SELENOS: variants seen among roughly 807,000 people sequenced by gnomAD.
SELENOS encodes the protein selenoprotein S, also known as VCP interacting membrane selenoprotein.
A neutral mutation model predicts 30.2 loss-of-function variants in SELENOS; 37 were observed. The observed-to-expected ratio is 1.23, with a 90% confidence interval of 0.94 to 1.61. The LOEUF (loss-of-function observed/expected upper bound fraction) is 1.61, where lower values mean the gene tolerates loss of function less well. Among genes scored for constraint, SELENOS ranks in the 40% most tolerant of loss-of-function variants. The pLI, the probability that SELENOS is intolerant of heterozygous loss-of-function variation, is 0.00. For synonymous variants in SELENOS, 119 were observed against 91.6 expected (o/e 1.30, Z -1.71); for missense variants, 289 against 231.8 (o/e 1.25, Z -1.60).
At chr15:101,273,757 T>G (rs2039294670) in intron 5 of SELENOS, among the ~76,000 whole-genome samples, 1 of 152,230 alleles carries the variant, frequency 6.6e-6, no homozygotes, top group African/African-American at 2.4e-5. Flanking sequence ...TTGGAGCCCA[T>G]GCCCCAGTCT....
Position 101,272,207 on chromosome 15 carries a change from G to A in SELENOS, c.*564C>T, listed in dbSNP as rs767728033. The A allele has an allele frequency of 1.3e-5, 2 of 152,220 alleles. No individual in the cohort carries two copies. Among genetic ancestry groups the A allele is most frequent in the Non-Finnish European group, 2.9e-5 (2 of 68,036 alleles). The allele number at this position is 152,220 out of a possible 1,614,324, so 9.4% of individuals were successfully genotyped here. On this transcript the variant is annotated 3_prime_UTR_variant, in exon 6 of 6. Transcript: ENST00000526049. ...TAATAGTTAGAGGTTGTAATAAAAA[G>A]CTATTTAATGTTTGATAGACAAATT...
chr15:101,275,299 C>A lies in SELENOS; in HGVS notation c.274G>T (p.Glu92Ter). Reference sequence around the variant, plus strand: ...TGCTTTTCAACTTGCGCATTTAGTTCTTCTTGCATTTTCAGTCGAGCAGCT... The same window carrying A: ...TGCTTTTCAACTTGCGCATTTAGTTATTCTTGCATTTTCAGTCGAGCAGCT... ...LAAARLKMQE[E>*]LNAQVEKHKE... Residue 92 changes from glutamate to a stop codon, truncating the protein, a stop_gained, in exon 3 of 6, where the codon GAA becomes TAA. Coordinates refer to ENST00000526049, the MANE Select transcript of SELENOS (RefSeq NM_018445.6). LOFTEE classifies it high-confidence loss of function. The A allele has an allele frequency of 6.3e-7, 1 of 1,580,360 alleles. No individual in the cohort carries two copies. The highest frequency in any genetic ancestry group is 1.8e-5 in the Admixed American group (1 of 54,132).
chr15:101,277,183 G>A (rs767662074), intron 1 of SELENOS, 159 bp downstream of exon 1: 81 of 1,259,128 alleles, frequency 6.4e-5, no homozygotes, highest in Non-Finnish European at 8.7e-5. Flanking sequence ...CTCCGCGCAA[G>A]GTCCGGGCCT....
In SELENOS at chr15:101,276,628, T is replaced by A. The variant is rs1190809659; in HGVS notation, c.124A>T (p.Ile42Phe). ...TTCTGAAAGACCACGTAGAGAAGGA[T>A]GCAGCTGAAGACGATGTACCAGCCA... ...TYGWYIVFSC[I>F]LLYVVFQKLS... Residue 42 changes from isoleucine to phenylalanine, a missense_variant, in exon 2 of 6, where the codon ATC becomes TTC. Transcript: ENST00000526049. 4.3e-6 allele frequency: 7 copies of A among 1,613,566 alleles called. No individual in the cohort carries two copies. The highest frequency in any genetic ancestry group is 5.1e-6 in the Non-Finnish European group (6 of 1,179,808).
In SELENOS at chr15:101,277,427, C is replaced by T; in HGVS notation, c.-10G>A. The T allele has an allele frequency of 2.0e-6, 3 of 1,464,114 alleles. No individual in the cohort carries two copies. The highest frequency in any genetic ancestry group is 2.7e-6 in the Non-Finnish European group (3 of 1,115,394). 90.7% of individuals were successfully genotyped at this position (1,464,114 alleles called of 1,614,324 possible). ...CCTCTTGGCGTTCCATGACCGCCGCCGCCGCCGCCGCCCAGCCCTGCCGCC... is the reference window on the plus strand; with the variant it reads ...CCTCTTGGCGTTCCATGACCGCCGCTGCCGCCGCCGCCCAGCCCTGCCGCC... On this transcript the variant is annotated 5_prime_UTR_variant, in exon 1 of 6. Transcript: ENST00000526049.
Position 101,275,323 on chromosome 15 carries a change from C to T in SELENOS, c.250G>A (p.Ala84Thr), listed in dbSNP as rs1439161281. ...TCTTCTTGCATTTTCAGTCGAGCAG[C>T]TGCTAAAGCTTCTTGTCGTTTAACA... ...VVVKRQEALA[A>T]ARLKMQEELN... is the part of the protein sequence containing the mutation. Residue 84 changes from alanine to threonine, a missense_variant, in exon 3 of 6, where the codon GCT (alanine) becomes ACT (threonine). Ala to Thr is a moderately conservative substitution (Grantham distance 58). Transcript: ENST00000526049. 2.3e-5 allele frequency: 37 copies of T among 1,581,366 alleles called. No homozygotes were observed. Among genetic ancestry groups the T allele is most frequent in the Non-Finnish European group, 3.2e-5 (37 of 1,163,422 alleles).
At chr15:101,274,121 C>A (rs777078279) in intron 5 of SELENOS, 5 of 450,432 alleles carry the variant, frequency 1.1e-5, no homozygotes, top group Admixed American at 3.5e-5. Context: ...AGACCAAAAC[C>A]ACTGTGTTCC....
At position 101,276,689 on chromosome 15, in the gene SELENOS, C is replaced by T. The variant is rs1251123311; in HGVS notation, c.77-14G>A. On this transcript the variant is annotated splice_polypyrimidine_tract_variant and intron_variant, in intron 1 of 5. Transcript: ENST00000526049. Reference sequence around the variant, plus strand: ...GCAGGGAGCCCACTGAAAAGAAAAACAGTTTTCAAAAAACTAAAAATGACA... The same window carrying T: ...GCAGGGAGCCCACTGAAAAGAAAAATAGTTTTCAAAAAACTAAAAATGACA... The T allele has an allele frequency of 6.3e-7, 1 of 1,597,044 alleles. No individual in the cohort carries two copies. The highest frequency in any genetic ancestry group is 8.5e-7 in the Non-Finnish European group (1 of 1,175,068).
rs758847618 is a variant in SELENOS at position 101,272,830 on chromosome 15, C to G, written c.511G>C (p.Gly171Arg). ...CCAGGTCTCCAGGAGCAAGCTCCGC[C>G]TCCTTCACCAGACAACGGGTTATAA... is the stretch of plus-strand genomic sequence containing the variant. The part of the protein sequence containing the change: ...GGYNPLSGEG[G>R]GACSWRPGRR... The change falls in exon 6 of 6, where the codon GGC becomes CGC. Residue 171 changes from glycine to arginine, a missense_variant. By Grantham distance (125) the Gly-to-Arg change is moderately radical (BLOSUM62 -2). Transcript: ENST00000526049. The G allele has an allele frequency of 6.2e-7, 1 of 1,609,798 alleles. No homozygotes were observed. Among genetic ancestry groups the G allele is most frequent in the South Asian group, 1.1e-5 (1 of 89,886 alleles).
At chr15:101,276,056 G>A (rs568008465) in intron 2 of SELENOS, among the ~76,000 whole-genome samples, 6 of 151,130 alleles carry the variant, frequency 4.0e-5, no homozygotes, top group Non-Finnish European at 4.4e-5. Context: ...CCTAATAGCT[G>A]GGATTACAGG....
intron 1 of SELENOS, 143 bp downstream of exon 1, chr15:101,277,199 C>T: frequency 7.2e-7 from 1 of 1,386,792 alleles, no homozygotes; most frequent in Non-Finnish European, 9.9e-7. Context: ...GGCCTGCTGC[C>T]CAAGGTCCGC....
In SELENOS at chr15:101,277,461, A is replaced by C; in HGVS notation, c.-44T>G. The C allele has an allele frequency of 7.1e-7, 1 of 1,405,520 alleles. No individual in the cohort carries two copies. The highest frequency in any genetic ancestry group is 9.2e-7 in the Non-Finnish European group (1 of 1,090,078). The allele number at this position is 1,405,520 out of a possible 1,614,324, so 87.1% of individuals were successfully genotyped here. ...CGCCCAGCCCTGCCGCCGCGCCTCCAGCCGGGCGCTTCCGGTGCGCTCCTA... is the reference window on the plus strand; with the variant it reads ...CGCCCAGCCCTGCCGCCGCGCCTCCCGCCGGGCGCTTCCGGTGCGCTCCTA... On this transcript the variant is annotated 5_prime_UTR_variant, in exon 1 of 6. Coordinates refer to ENST00000526049, the MANE Select transcript of SELENOS (RefSeq NM_018445.6).
chr15:101,272,587 T>A lies in SELENOS; in HGVS notation c.*184A>T. 2 of 568,818 alleles carry A rather than the reference T, an allele frequency of 3.5e-6. No homozygotes were observed. The highest frequency in any genetic ancestry group is 3.1e-6 in the Non-Finnish European group (1 of 319,740). 35.2% of individuals were successfully genotyped at this position (568,818 alleles called of 1,614,324 possible). On this transcript the variant is annotated 3_prime_UTR_variant, in exon 6 of 6. Coordinates refer to ENST00000526049, the MANE Select transcript of SELENOS (RefSeq NM_018445.6). ...TCCAAGTAGAATGTGACCAATGACC[T>A]CATGCCTAGAGGCAACATCTATACC...
At position 101,273,311 on chromosome 15, in the gene SELENOS, C is replaced by CCA. The variant is rs2039290102; in HGVS notation, c.485-457_485-456dup. 2.0e-5 allele frequency among the ~76,000 whole-genome samples: 3 copies of CCA among 152,172 alleles called. 1 individual carries two copies. The South Asian group carries it at 6.2e-4, about 32-fold the overall frequency. ...GTATCCTTCCCTACCCCCAACCACCCCACTCCCTCATGAGCTTCCCAAAGT... is the reference window on the plus strand; with the variant it reads ...GTATCCTTCCCTACCCCCAACCACCCCACACTCCCTCATGAGCTTCCCAAAGT... On this transcript the variant is annotated intron_variant, in intron 5 of 5. Coordinates refer to ENST00000526049, the MANE Select transcript of SELENOS (RefSeq NM_018445.6).
Position 101,277,300 on chromosome 15 carries a change from C to A in SELENOS, c.76+42G>T, listed in dbSNP as rs769340331. 2.0e-6 allele frequency: 3 copies of A among 1,509,946 alleles called. No individual in the cohort carries two copies. The South Asian group carries it at 3.7e-5, about 19-fold the overall frequency. The allele number at this position is 1,509,946 out of a possible 1,614,324, so 93.5% of individuals were successfully genotyped here. A position where few individuals can be genotyped will look rare whatever the true frequency, so the allele number is the denominator to read the frequency against. On this transcript the variant is annotated intron_variant, in intron 1 of 5. Transcript: ENST00000526049. ...ACCCACCCATCATGGCTGCGCGTCG[C>A]AAAAGTGGCGGCGCGCGCCCGGCTG... is the stretch of plus-strand genomic sequence containing the variant.
intron 1 of SELENOS, 149 bp downstream of exon 1, chr15:101,277,193 T>C (rs935389125): frequency 5.2e-6 from 7 of 1,345,766 alleles, no homozygotes; most frequent in Non-Finnish European, 6.1e-6. Flanking sequence ...GGTCCGGGCC[T>C]GCTGCCCAAG....
rs2039304435 is a variant in SELENOS, at chr15:101,274,642, C to A, written c.358G>T (p.Asp120Tyr). The A allele has an allele frequency of 2.5e-6, 4 of 1,613,396 alleles. No individual in the cohort carries two copies. Among genetic ancestry groups the A allele is most frequent in the Non-Finnish European group, 3.4e-6 (4 of 1,179,810 alleles). The part of the protein sequence containing the change: ...EKRRQKIEMW[D>Y]SMQEGKSYKG... ...TAACTTTTTCCTTCTTGCATGCTGT[C>A]CCACATTTCAATCTTCTGTCTCCTT... is the stretch of plus-strand genomic sequence containing the variant. The change falls in exon 4 of 6, where the codon GAC becomes TAC. Residue 120 changes from aspartate (D) to tyrosine (Y), a missense_variant. Physicochemically the swap from Asp to Tyr is radical, Grantham distance 160. Coordinates refer to ENST00000526049, the MANE Select transcript of SELENOS (RefSeq NM_018445.6).
chr15:101,277,307 G>A (rs2039339800), intron 1 of SELENOS, 35 bp downstream of exon 1: 4 of 1,503,414 alleles, frequency 2.7e-6, no homozygotes, highest in Admixed American at 2.2e-5. Context: ...TCGCAAAAGT[G>A]GCGGCGCGCG....
intron 2 of SELENOS, among the ~76,000 whole-genome samples, chr15:101,276,081 C>T (rs547925692): frequency 1.3e-5 from 2 of 151,946 alleles, no homozygotes; most frequent in African/African-American, 4.8e-5. Flanking sequence ...CGTCACCACG[C>T]CCCACTAATA....
Sources: gnomAD v4.1 joint callset for allele counts (sites outside exome capture counted in the v4.1 genomes callset) on GRCh38, gnomAD v4.1.1 for gene constraint, MANE v1.5 for transcripts, NCBI Gene and HGNC (gene_info 2026-07-23, HGNC 2026-07-21) for gene names.